The following IFT81 variants were observed in gnomAD, a reference collection of about 807,000 sequenced individuals.
IFT81 encodes the protein intraflagellar transport 81.
IFT81 carries 72 observed loss-of-function variants against 102.6 expected under a neutral mutation model. The ratio of observed to expected loss-of-function variants is 0.70; its 90% CI spans 0.58 to 0.85. The LOEUF (loss-of-function observed/expected upper bound fraction) is 0.85, where lower values mean the gene tolerates loss of function less well. IFT81 is among the 40% of genes least tolerant of loss of function. The probability of loss-of-function intolerance (pLI) is 0.00; values close to 1 mark genes in which losing one functional copy is unlikely to be tolerated. For synonymous variants in IFT81, 237 were observed against 242.7 expected (o/e 0.98, Z 0.22); for missense variants, 723 against 787.3 (o/e 0.92, Z 0.98).
chr12:110,217,407 A>G (rs1870272731), intron 18 of IFT81, among the ~76,000 whole-genome samples: 1 of 152,084 alleles, frequency 6.6e-6, no homozygotes, highest in Non-Finnish European at 1.5e-5. Flanking sequence ...CTTGCTTACC[A>G]CTAGAGGAGA....
chr12:110,132,654 T>C lies in IFT81; in HGVS notation c.519+18T>C, dbSNP rs987526577. On this transcript the variant is annotated intron_variant, in intron 5 of 18. Coordinates refer to ENST00000242591, the MANE Select transcript of IFT81 (RefSeq NM_014055.4). ...TAAGAAAGGTAAAGGAAAGAAAACA[T>C]AGTAACAATTTTTTTGGGATTTGAA... 2 of 1,312,536 alleles carry C rather than the reference T, an allele frequency of 1.5e-6. No individual in the cohort carries two copies. The highest frequency in any genetic ancestry group is 1.5e-5 in the African/African-American group (1 of 67,886). The allele number at this position is 1,312,536 out of a possible 1,614,324, so 81.3% of individuals were successfully genotyped here.
In IFT81 at chr12:110,132,628, A is replaced by T; in HGVS notation, c.511A>T (p.Ile171Leu). 1 of 1,542,236 alleles carries T rather than the reference A, an allele frequency of 6.5e-7. No homozygotes were observed. Among genetic ancestry groups the T allele is most frequent in the South Asian group, 1.2e-5 (1 of 86,384 alleles). ...GATATCTGGATTTTCTACAGCAGAA[A>T]TAAGAAAGGTAAAGGAAAGAAAACA... ...LKISGFSTAE[I>L]RKDISAMEEE... Residue 171 changes from isoleucine (I) to leucine (L), a missense_variant, in exon 5 of 19, where the codon ATA (isoleucine) becomes TTA (leucine). Ile to Leu is a conservative substitution (Grantham distance 5, BLOSUM62 2). Coordinates refer to ENST00000242591, the MANE Select transcript of IFT81 (RefSeq NM_014055.4).
intron 10 of IFT81, among the ~76,000 whole-genome samples, chr12:110,161,136 T>G (rs905438553): frequency 2.1e-5 from 3 of 145,822 alleles, no homozygotes; most frequent in African/African-American, 7.7e-5. Flanking sequence ...CTTCACCACT[T>G]TTTTTTTTTT....
At chr12:110,132,312 T>G (rs1479673473) in intron 4 of IFT81, among the ~76,000 whole-genome samples, 1 of 151,774 alleles carries the variant, frequency 6.6e-6, no homozygotes, top group African/African-American at 2.4e-5. Flanking sequence ...ATACAAAAAT[T>G]AGCCGGGCGT....
rs574257417 is a variant in IFT81 at position 110,147,008 on chromosome 12, A to G, written c.1001A>G (p.Asn334Ser). The change falls in exon 10 of 19, where the codon AAT (asparagine) becomes AGT (serine). Residue 334 changes from asparagine to serine, a missense_variant. Physicochemically the swap from Asn to Ser is conservative, Grantham distance 46 (BLOSUM62 1). Coordinates refer to ENST00000242591, the MANE Select transcript of IFT81 (RefSeq NM_014055.4). The part of the protein sequence containing the change: ...NQLIEKKMMR[N>S]EPIEGKLSLY... ...TTGATTGAAAAGAAAATGATGAGAAATGAGCCCATTGAAGGCAAACTCTCA... is the reference window on the plus strand; with the variant it reads ...TTGATTGAAAAGAAAATGATGAGAAGTGAGCCCATTGAAGGCAAACTCTCA... 2.2e-5 allele frequency: 36 copies of G among 1,612,110 alleles called. No homozygotes were observed. Among genetic ancestry groups the G allele is most frequent in the Non-Finnish European group, 1.8e-5 (21 of 1,179,052 alleles).
intron 14 of IFT81, among the ~76,000 whole-genome samples, chr12:110,194,549 T>C (rs1448810645): frequency 2.0e-5 from 3 of 152,148 alleles, no homozygotes; most frequent in Non-Finnish European, 2.9e-5. Context: ...GCTGGGATTA[T>C]AGGCGTGAGC....
rs554330811 is a variant in IFT81 at position 110,216,540 on chromosome 12, C to T, written c.1849-1504C>T. ...CTTAATTTTTTTTTTTTTCCAGAGA[C>T]GGAATCTCACTCTGTTGCCCAGGCT... On this transcript the variant is annotated intron_variant, in intron 18 of 18. Transcript: ENST00000242591. 2.9e-5 allele frequency: 13 copies of T among 452,376 alleles called. 1 individual carries two copies. Among genetic ancestry groups the T allele is most frequent in the East Asian group, 7.0e-5 (1 of 14,290 alleles). The allele number at this position is 452,376 out of a possible 1,614,324, so 28.0% of individuals were successfully genotyped here. A position where few individuals can be genotyped will look rare whatever the true frequency, so the allele number is the denominator to read the frequency against.
chr12:110,209,407 T>C (rs1366996667), intron 18 of IFT81, among the ~76,000 whole-genome samples, 191 bp downstream of exon 18: 1 of 152,156 alleles, frequency 6.6e-6, no homozygotes, highest in East Asian at 1.9e-4. Flanking sequence ...CGATGGATTT[T>C]TGAAAGAAAA....
intron 14 of IFT81, among the ~76,000 whole-genome samples, chr12:110,197,583 T>TATAC (rs1250770472): frequency 5.3e-4 from 77 of 144,842 alleles, no homozygotes; most frequent in African/African-American, 1.9e-3. Context: ...TATATATATA[T>TATAC]ACCTCACTTA....
rs142962788 is a variant in IFT81 at position 110,187,559 on chromosome 12, C to G, written c.1339-3361C>G. Among the ~76,000 whole-genome samples, 333 of 152,310 alleles carry G rather than the reference C, an allele frequency of 2.2e-3. 1 individual carries two copies. Among genetic ancestry groups the G allele is most frequent in the African/African-American group, 7.7e-3 (320 of 41,580 alleles). ...GGATTACATGCATAAGCTACTGTTCCTGGCCATGTATTTTTTTCTCTTGAT... is the reference window on the plus strand; with the variant it reads ...GGATTACATGCATAAGCTACTGTTCGTGGCCATGTATTTTTTTCTCTTGAT... On this transcript the variant is annotated intron_variant, in intron 12 of 18. Coordinates refer to ENST00000242591, the MANE Select transcript of IFT81 (RefSeq NM_014055.4).
chr12:110,194,423 A>G (rs947856518), intron 14 of IFT81, among the ~76,000 whole-genome samples: 1 of 151,946 alleles, frequency 6.6e-6, no homozygotes, highest in Non-Finnish European at 1.5e-5. Context: ...AAAAACTGAA[A>G]TATTCATTTT....
chr12:110,142,111 C>T (rs893859850), intron 8 of IFT81, among the ~76,000 whole-genome samples: 1 of 151,970 alleles, frequency 6.6e-6, no homozygotes, highest in African/African-American at 2.4e-5. Flanking sequence ...TAAAAAATAC[C>T]AAAACATGGA....
intron 10 of IFT81, among the ~76,000 whole-genome samples, chr12:110,160,514 G>T (rs61227741): frequency 0.08 from 12,178 of 152,234 alleles, 533 homozygotes; most frequent in Middle Eastern, 0.11. Flanking sequence ...TCCTCCCCCT[G>T]CCTTGTTCTA....
intron 11 of IFT81, among the ~76,000 whole-genome samples, chr12:110,165,104 CT>C (rs918393442): frequency 2.7e-5 from 4 of 149,578 alleles, no homozygotes; most frequent in African/African-American, 9.8e-5. Context: ...AAAAAGCAGT[CT>C]TTTTTTTTAA....
intron 11 of IFT81, among the ~76,000 whole-genome samples, chr12:110,177,520 G>A (rs758727829): frequency 5.7e-4 from 87 of 152,164 alleles, no homozygotes; most frequent in Non-Finnish European, 1.0e-3. Context: ...CTGAGCTCAC[G>A]CAGTCCCCCC....
At chr12:110,127,621 CT>C in intron 2 of IFT81, 97 bp downstream of exon 2, 1 of 1,083,688 alleles carries the variant, frequency 9.2e-7, no homozygotes, top group Non-Finnish European at 1.3e-6. Flanking sequence ...CCTCTCTGAG[CT>C]TTATTTTCCA....
intron 12 of IFT81, among the ~76,000 whole-genome samples, chr12:110,190,412 T>C (rs1262134429): frequency 6.6e-6 from 1 of 152,228 alleles, no homozygotes; most frequent in Admixed American, 6.5e-5. Context: ...TCATCTTCTC[T>C]AACCACCTTC....
chr12:110,143,403 A>T lies in IFT81; in HGVS notation c.803A>T (p.Glu268Val). 1 of 1,397,754 alleles carries T rather than the reference A, an allele frequency of 7.2e-7. No homozygotes were observed. Among genetic ancestry groups the T allele is most frequent in the South Asian group, 1.4e-5 (1 of 71,240 alleles). The allele number at this position is 1,397,754 out of a possible 1,614,324, so 86.6% of individuals were successfully genotyped here. ...KPESLMKRLE[E>V]EIKFNLYMVT... ...AAAGGTTTAATGAAGAGGCTAGAGGAGGAGATAAAATTTAATTTATATATG... is the reference window on the plus strand; with the variant it reads ...AAAGGTTTAATGAAGAGGCTAGAGGTGGAGATAAAATTTAATTTATATATG... The change falls in exon 9 of 19, where the codon GAG becomes GTG. Residue 268 changes from glutamate (E) to valine (V), a missense_variant. Coordinates refer to ENST00000242591, the MANE Select transcript of IFT81 (RefSeq NM_014055.4).
chr12:110,170,056 C>G (rs1896662765), intron 11 of IFT81, among the ~76,000 whole-genome samples: 2 of 151,144 alleles, frequency 1.3e-5, no homozygotes, highest in African/African-American at 4.9e-5. Flanking sequence ...GGGTTCACGC[C>G]ATTCTCCTGC....
Sources: gnomAD v4.1 joint callset for allele counts (sites outside exome capture counted in the v4.1 genomes callset) on GRCh38, gnomAD v4.1.1 for gene constraint, MANE v1.5 for transcripts, NCBI Gene and HGNC (gene_info 2026-07-23, HGNC 2026-07-21) for gene names.